HTR4: variants seen among roughly 807,000 people sequenced by gnomAD.
The protein encoded by HTR4 is 5-hydroxytryptamine receptor 4, also known as 5-hydroxytryptamine (serotonin) receptor 4, G protein-coupled.
In HTR4, 16 loss-of-function variants were observed where a neutral mutation model predicts 36.8. The ratio of observed to expected loss-of-function variants is 0.43; its 90% CI spans 0.29 to 0.66. HTR4 has a LOEUF of 0.66. HTR4 is among the 30% of genes least tolerant of loss of function. The probability of loss-of-function intolerance (pLI) is 0.13; values close to 1 mark genes in which losing one functional copy is unlikely to be tolerated. For missense variants in HTR4, 438 were observed against 490.9 expected (o/e 0.89, Z 1.02); for synonymous variants, 189 against 185.1 (o/e 1.02, Z -0.17).
At chr5:148,636,583 C>A (rs1561662780) in intron 2 of HTR4, among the ~76,000 whole-genome samples, 1 of 152,024 alleles carries the variant, frequency 6.6e-6, no homozygotes, top group Non-Finnish European at 1.5e-5. Context: ...AATATAATAA[C>A]CTAGTTGAGA....
rs1561569443 is a variant in HTR4 at position 148,481,653 on chromosome 5, A to G, written c.*1550T>C. ...AACTAAAGTAAACAACAATGGAAAC[A>G]ATAACTGACACCTTATAAGCAATAA... On this transcript the variant is annotated 3_prime_UTR_variant, in exon 7 of 7. Transcript: ENST00000377888. 2.0e-6 allele frequency: 3 copies of G among 1,500,526 alleles called. No homozygotes were observed. The highest frequency in any genetic ancestry group is 2.6e-6 in the Non-Finnish European group (3 of 1,138,314). 93.0% of individuals were successfully genotyped at this position (1,500,526 alleles called of 1,614,324 possible). A position where few individuals can be genotyped will look rare whatever the true frequency, so the allele number is the denominator to read the frequency against.
chr5:148,608,781 G>A (rs775638646), intron 2 of HTR4, among the ~76,000 whole-genome samples: 1 of 152,214 alleles, frequency 6.6e-6, no homozygotes, highest in Non-Finnish European at 1.5e-5. Context: ...GGATATTGCA[G>A]TAACCCAGGT....
chr5:148,652,719 A>G (rs1433622107), intron 1 of HTR4, among the ~76,000 whole-genome samples: 4 of 152,124 alleles, frequency 2.6e-5, no homozygotes, highest in African/African-American at 9.7e-5. Flanking sequence ...TGGCATTTAA[A>G]TGATGACTGT....
At chr5:148,600,720 C>A (rs371994561) in intron 2 of HTR4, among the ~76,000 whole-genome samples, 1 of 151,476 alleles carries the variant, frequency 6.6e-6, no homozygotes, top group Non-Finnish European at 1.5e-5. Flanking sequence ...GGAAGAAATT[C>A]GAGAAGGAGA....
rs145367318 is a variant in HTR4, at chr5:148,548,655, G to T, written c.353+13C>A. On this transcript the variant is annotated intron_variant, in intron 4 of 6. Transcript: ENST00000377888. ...AGCATGGAGCTCCGCTATGCACATT[G>T]TTCTGTCCTTACCTATCCAGAGAAA... 4.4e-6 allele frequency: 7 copies of T among 1,586,114 alleles called. No homozygotes were observed. Among genetic ancestry groups the T allele is most frequent in the Middle Eastern group, 1.7e-4 (1 of 6,046 alleles).
chr5:148,614,692 A>G (rs1444306167), intron 2 of HTR4, among the ~76,000 whole-genome samples: 5 of 151,852 alleles, frequency 3.3e-5, no homozygotes, highest in African/African-American at 1.2e-4. Flanking sequence ...GGATCTAATT[A>G]AACTAAAGAG....
chr5:148,547,454 G>A (rs1759433002), intron 4 of HTR4, among the ~76,000 whole-genome samples: 1 of 151,438 alleles, frequency 6.6e-6, no homozygotes, highest in South Asian at 2.1e-4. Context: ...GGGAGGTGGA[G>A]CTTGCAGTGA....
intron 6 of HTR4, among the ~76,000 whole-genome samples, chr5:148,501,921 A>T (rs142409672): frequency 0.016 from 2,399 of 152,140 alleles, 34 homozygotes; most frequent in Middle Eastern, 0.048. Context: ...TTAGCCAGGC[A>T]TGGTGGCAGG....
intron 5 of HTR4, among the ~76,000 whole-genome samples, chr5:148,455,994 G>A (rs1045395443): frequency 4.6e-5 from 7 of 152,142 alleles, no homozygotes; most frequent in South Asian, 2.1e-4. Context: ...AAATCCATGC[G>A]TAAGTGGACC....
At chr5:148,459,483 C>G (rs1352048534) in intron 5 of HTR4, among the ~76,000 whole-genome samples, 1 of 152,102 alleles carries the variant, frequency 6.6e-6, no homozygotes. Flanking sequence ...AGGGAAATAT[C>G]CAACTCCAGC....
At chr5:148,472,764 T>C (rs529843924), downstream of HTR4, among the ~76,000 whole-genome samples, 1 of 152,122 alleles carries the variant, frequency 6.6e-6, no homozygotes, top group African/African-American at 2.4e-5. Context: ...AGAGCTGAAA[T>C]AGGAAGTGGG....
chr5:148,466,606 T>C (rs1448816699), intron 5 of HTR4, among the ~76,000 whole-genome samples: 1 of 152,192 alleles, frequency 6.6e-6, no homozygotes, highest in Non-Finnish European at 1.5e-5. Flanking sequence ...CATTACTAAG[T>C]AGCCTTGCAA....
chr5:148,612,516 CGCATTCAAA>C (rs1752478821), intron 2 of HTR4, among the ~76,000 whole-genome samples: 1 of 143,146 alleles, frequency 7.0e-6, no homozygotes, highest in Non-Finnish European at 1.5e-5. Flanking sequence ...ATCTCTGGGA[CGCATTCAAA>C]GCAGTGTGTA....
chr5:148,483,167 A>G lies in HTR4; in HGVS notation c.*36T>C. On this transcript the variant is annotated 3_prime_UTR_variant, in exon 7 of 7. Coordinates refer to ENST00000377888, the MANE Select transcript of HTR4 (RefSeq NM_000870.7). ...AGCTTAGGACCTGGCCCTCTTTCGGAGGCATGGCTGTCTTCTGGGTCATTG... is the reference window on the plus strand; with the variant it reads ...AGCTTAGGACCTGGCCCTCTTTCGGGGGCATGGCTGTCTTCTGGGTCATTG... The G allele has an allele frequency of 6.2e-7, 1 of 1,613,712 alleles. No individual in the cohort carries two copies. Among genetic ancestry groups the G allele is most frequent in the Non-Finnish European group, 8.5e-7 (1 of 1,179,772 alleles).
chr5:148,650,754 C>A (rs1754011200), intron 1 of HTR4, among the ~76,000 whole-genome samples: 1 of 152,130 alleles, frequency 6.6e-6, no homozygotes, highest in Non-Finnish European at 1.5e-5. Context: ...CTGCATATGC[C>A]TTTGAGCTAT....
intron 5 of HTR4, among the ~76,000 whole-genome samples, chr5:148,521,975 A>G (rs1758041421): frequency 6.6e-6 from 1 of 152,132 alleles, no homozygotes; most frequent in Non-Finnish European, 1.5e-5. Flanking sequence ...AGCTCCTCCC[A>G]TAATTCTCAC....
intron 2 of HTR4, among the ~76,000 whole-genome samples, chr5:148,571,395 G>C (rs1185646170): frequency 6.6e-6 from 1 of 152,046 alleles, no homozygotes; most frequent in Non-Finnish European, 1.5e-5. Flanking sequence ...TTCTGTTGTA[G>C]ATGAGCCTAG....
chr5:148,481,146 A>G (rs1487296853), downstream of HTR4, among the ~76,000 whole-genome samples: 1 of 152,218 alleles, frequency 6.6e-6, no homozygotes, highest in Non-Finnish European at 1.5e-5. Context: ...CATCAGGTCC[A>G]GAGCCATGGA....
At chr5:148,603,398 C>A (rs1282936502) in intron 2 of HTR4, among the ~76,000 whole-genome samples, 3 of 151,918 alleles carry the variant, frequency 2.0e-5, no homozygotes, top group African/African-American at 7.2e-5. Flanking sequence ...CCAAAGAACA[C>A]CTTATAAAGA....
Sources: allele counts gnomAD v4.1 joint callset (sites outside exome capture counted in the v4.1 genomes callset), GRCh38; gene constraint gnomAD v4.1.1; transcripts MANE v1.5; gene names NCBI Gene and HGNC (gene_info 2026-07-23, HGNC 2026-07-21).